The following PLPPR5 variants were observed in gnomAD, a reference collection of about 807,000 sequenced individuals.
The protein encoded by PLPPR5 is phospholipid phosphatase-related protein type 5.
PLPPR5 carries 16 observed loss-of-function variants against 33.9 expected under a neutral mutation model. That is an observed-to-expected ratio of 0.47 (90% CI 0.32 to 0.72). The LOEUF (loss-of-function observed/expected upper bound fraction) is 0.72, where lower values mean the gene tolerates loss of function less well. PLPPR5 is among the 30% of genes least tolerant of loss of function. PLPPR5 has a pLI of 0.03. For synonymous variants in PLPPR5, 163 were observed against 150.3 expected (o/e 1.08, Z -0.62); for missense variants, 301 against 406.7 (o/e 0.74, Z 2.23).
intron 1 of PLPPR5, among the ~76,000 whole-genome samples, chr1:98,992,087 T>G (rs1652471857): frequency 6.6e-6 from 1 of 152,114 alleles, no homozygotes. Flanking sequence ...TACTGTTGAG[T>G]AGAAGCATTA....
rs1366828878 is a variant in PLPPR5 at position 98,892,111 on chromosome 1, A to G, written c.*961T>C. On this transcript the variant is annotated 3_prime_UTR_variant, in exon 6 of 6. Transcript: ENST00000263177. The stretch of plus-strand genomic sequence containing the variant: ...ACTACACAAATGCAAAGTAAAATAC[A>G]TTAACCATATTTCTAGCATTTATAT... The G allele has an allele frequency of 6.6e-6, 1 of 152,162 alleles. No individual in the cohort carries two copies. The highest frequency in any genetic ancestry group is 2.4e-5 in the African/African-American group (1 of 41,450). The allele number at this position is 152,162 out of a possible 1,614,324, so 9.4% of individuals were successfully genotyped here. A position where few individuals can be genotyped will look rare whatever the true frequency, so the allele number is the denominator to read the frequency against.
intron 5 of PLPPR5, among the ~76,000 whole-genome samples, chr1:98,902,829 A>G (rs1648746249): frequency 6.6e-6 from 1 of 152,172 alleles, no homozygotes; most frequent in Non-Finnish European, 1.5e-5. Context: ...ACAGTCATCA[A>G]TTCTATATTT....
At chr1:98,917,310 T>C (rs1374860652) in intron 4 of PLPPR5, among the ~76,000 whole-genome samples, 2 of 152,218 alleles carry the variant, frequency 1.3e-5, no homozygotes, top group Non-Finnish European at 2.9e-5. Context: ...CTTCATTTTA[T>C]CTCCTCCACC....
intron 1 of PLPPR5, among the ~76,000 whole-genome samples, chr1:98,983,851 A>G (rs149048555): frequency 0.092 from 13,835 of 150,678 alleles, 726 homozygotes; most frequent in Non-Finnish European, 0.11. Context: ...GTGATGATGA[A>G]CATTTTTTCA....
intron 3 of PLPPR5, among the ~76,000 whole-genome samples, chr1:98,924,564 T>G (rs1156781504): frequency 2.6e-5 from 4 of 152,190 alleles, no homozygotes; most frequent in African/African-American, 9.7e-5. Context: ...GTGGTCCTTG[T>G]GCAAAATACC....
chr1:98,939,303 C>T (rs1650291851), intron 3 of PLPPR5, among the ~76,000 whole-genome samples: 2 of 148,446 alleles, frequency 1.3e-5, no homozygotes, highest in African/African-American at 4.8e-5. Context: ...GGAAGGGATG[C>T]TAAAAGTGAT....
At chr1:98,950,802 G>T (rs1369169009) in intron 3 of PLPPR5, among the ~76,000 whole-genome samples, 1 of 152,072 alleles carries the variant, frequency 6.6e-6, no homozygotes, top group Non-Finnish European at 1.5e-5. Flanking sequence ...TCCCGTCTTG[G>T]CCTCTCATGT....
intron 2 of PLPPR5, among the ~76,000 whole-genome samples, chr1:98,953,911 A>G (rs1178602748): frequency 6.6e-6 from 1 of 151,950 alleles, no homozygotes; most frequent in Non-Finnish European, 1.5e-5. Flanking sequence ...TCAGAAACAC[A>G]TTTTTTTTAA....
At chr1:98,906,534 C>T (rs937592710) in intron 5 of PLPPR5, among the ~76,000 whole-genome samples, 1 of 152,012 alleles carries the variant, frequency 6.6e-6, no homozygotes, top group Non-Finnish European at 1.5e-5. Flanking sequence ...GGCAGAAACT[C>T]GTGACAGCTC....
intron 3 of PLPPR5, among the ~76,000 whole-genome samples, chr1:98,927,939 AT>A (rs2101170992): frequency 6.6e-6 from 1 of 151,994 alleles, no homozygotes; most frequent in African/African-American, 2.4e-5. Flanking sequence ...TTATAATTAT[AT>A]TTTATGCTCA....
intron 1 of PLPPR5, among the ~76,000 whole-genome samples, chr1:98,966,904 T>A (rs531519588): frequency 1.7e-4 from 26 of 152,234 alleles, no homozygotes; most frequent in African/African-American, 5.8e-4. Flanking sequence ...GTATCAGCAA[T>A]CTGGGAACTT....
At chr1:98,902,279 G>A (rs1648722093) in intron 5 of PLPPR5, among the ~76,000 whole-genome samples, 1 of 151,996 alleles carries the variant, frequency 6.6e-6, no homozygotes, top group South Asian at 2.1e-4. Flanking sequence ...GCATTGTTAT[G>A]TGAATAAAGG....
chr1:98,985,952 G>A (rs1453160285), intron 1 of PLPPR5, among the ~76,000 whole-genome samples: 1 of 151,928 alleles, frequency 6.6e-6, no homozygotes, highest in Non-Finnish European at 1.5e-5. Flanking sequence ...ATTTTGAGGT[G>A]GCATTTCCTG....
chr1:98,919,553 T>C (rs1313349189), intron 4 of PLPPR5, among the ~76,000 whole-genome samples: 2 of 152,160 alleles, frequency 1.3e-5, no homozygotes, highest in Non-Finnish European at 1.5e-5. Context: ...GGAATCATCA[T>C]AGAAGGCTCC....
intron 1 of PLPPR5, among the ~76,000 whole-genome samples, chr1:98,973,940 C>G (rs17273773): frequency 0.091 from 13,838 of 151,812 alleles, 729 homozygotes; most frequent in Non-Finnish European, 0.11. Context: ...AAATCAATCC[C>G]GAAAAAGGCA....
chr1:98,966,770 G>A (rs967171233), intron 1 of PLPPR5, among the ~76,000 whole-genome samples: 5 of 152,274 alleles, frequency 3.3e-5, no homozygotes, highest in African/African-American at 9.6e-5. Context: ...AGAAACACAT[G>A]AAGCTGCCAT....
intron 1 of PLPPR5, among the ~76,000 whole-genome samples, chr1:98,987,922 AC>A (rs1652314825): frequency 6.6e-6 from 1 of 152,110 alleles, no homozygotes. Context: ...ACTTTCATGA[AC>A]AAAAATTGAA....
chr1:98,947,485 T>C (rs1266137022), intron 3 of PLPPR5, among the ~76,000 whole-genome samples: 3 of 152,242 alleles, frequency 2.0e-5, no homozygotes, highest in Admixed American at 1.3e-4. Flanking sequence ...GCCATTTTAA[T>C]AGCTGTATGT....
intron 1 of PLPPR5, among the ~76,000 whole-genome samples, chr1:98,991,782 G>A (rs191726286): frequency 1.1e-3 from 161 of 152,274 alleles, no homozygotes; most frequent in African/African-American, 3.6e-3. Flanking sequence ...AGCTGCCTGG[G>A]GAAGCAATGA....
Sources: allele counts gnomAD v4.1 joint callset (sites outside exome capture counted in the v4.1 genomes callset), GRCh38; gene constraint gnomAD v4.1.1; transcripts MANE v1.5; gene names NCBI Gene and HGNC (gene_info 2026-07-23, HGNC 2026-07-21).